Variants in ACTR3C observed in about 807,000 individuals in gnomAD.
The protein encoded by ACTR3C is actin related protein 3C, also known as actin-related protein 3C.
ACTR3C carries 18 observed loss-of-function variants against 26.3 expected under a neutral mutation model. The observed-to-expected ratio is 0.68, with a 90% CI of 0.47 to 1.01. The LOEUF (loss-of-function observed/expected upper bound fraction) is 1.01, where lower values mean the gene tolerates loss of function less well. Among genes scored for constraint, ACTR3C ranks in the 50% least tolerant of loss-of-function variants. The pLI, the probability that ACTR3C is intolerant of heterozygous loss-of-function variation, is 0.00. For missense variants in ACTR3C, 184 were observed against 250.7 expected, an observed-to-expected ratio of 0.73 and a Z score of 1.80; for synonymous variants, 55 against 94.5, an observed-to-expected ratio of 0.58 and a Z score of 2.42.
At chr7:149,921,619 G>T in the ACTR3C span, among the ~76,000 whole-genome samples, 169 of 152,252 alleles carry the variant, frequency 1.1e-3, 2 homozygotes, top group South Asian at 0.034. Context: ...GCTCACACTA[G>T]TAATCCCAGC....
the ACTR3C span, among the ~76,000 whole-genome samples, chr7:150,037,462 TC>T: frequency 6.2e-4 from 20 of 32,512 alleles, 4 homozygotes; most frequent in Middle Eastern, 0.024. Context: ...GGGGGGTGCC[TC>T]CCCCCCCTGC....
At chr7:149,950,600 C>T in the ACTR3C span, among the ~76,000 whole-genome samples, 972 of 150,304 alleles carry the variant, frequency 6.5e-3, 5 homozygotes, top group African/African-American at 0.023. Context: ...TAGAGGCAAT[C>T]CCACAGAGAC....
the ACTR3C span, among the ~76,000 whole-genome samples, chr7:150,067,994 A>G: frequency 6.6e-6 from 1 of 152,224 alleles, no homozygotes; most frequent in Non-Finnish European, 1.5e-5. Context: ...GTTTAAATAT[A>G]TAAGATAAAA....
the ACTR3C span, among the ~76,000 whole-genome samples, chr7:150,164,644 A>G: frequency 1.3e-5 from 2 of 152,060 alleles, no homozygotes; most frequent in Non-Finnish European, 2.9e-5. Flanking sequence ...TGAGTAAAGG[A>G]GTGTAATAAC....
At chr7:150,298,030 A>G (rs1469725511) in intron 1 of ACTR3C, among the ~76,000 whole-genome samples, 2 of 151,448 alleles carry the variant, frequency 1.3e-5, no homozygotes, top group African/African-American at 2.4e-5. Context: ...TAAAACTGAT[A>G]AAGTATCAGA....
At chr7:149,961,333 G>A in the ACTR3C span, among the ~76,000 whole-genome samples, 3 of 151,956 alleles carry the variant, frequency 2.0e-5, no homozygotes, top group African/African-American at 7.3e-5. Flanking sequence ...GTGTTTAGAG[G>A]AAGTGCACAG....
the ACTR3C span, among the ~76,000 whole-genome samples, chr7:150,017,709 G>A: frequency 6.7e-6 from 1 of 149,482 alleles, no homozygotes; most frequent in East Asian, 1.9e-4. Context: ...CCACCAGTCT[G>A]TTTTCCACCT....
chr7:150,141,237 T>C, the ACTR3C span, among the ~76,000 whole-genome samples: 1 of 152,246 alleles, frequency 6.6e-6, no homozygotes, highest in Non-Finnish European at 1.5e-5. Flanking sequence ...GCTTTCCACC[T>C]GAAATGTCTG....
intron 6 of ACTR3C, among the ~76,000 whole-genome samples, chr7:150,272,361 A>C (rs1389310085): frequency 7.2e-6 from 1 of 139,674 alleles, no homozygotes; most frequent in East Asian, 2.1e-4. Flanking sequence ...GCTTGCTTGC[A>C]TCAAAGTAAA....
chr7:150,167,933 C>A, the ACTR3C span, among the ~76,000 whole-genome samples: 33 of 150,454 alleles, frequency 2.2e-4, 2 homozygotes, highest in African/African-American at 7.5e-4. Context: ...GTATAGCTGA[C>A]GAGTTCCATA....
chr7:150,080,433 A>C, the ACTR3C span, among the ~76,000 whole-genome samples: 1 of 151,720 alleles, frequency 6.6e-6, no homozygotes, highest in Non-Finnish European at 1.5e-5. Flanking sequence ...TTTAAAACAC[A>C]TGGACACAGA....
chr7:150,026,610 T>C, the ACTR3C span, among the ~76,000 whole-genome samples: 1 of 152,040 alleles, frequency 6.6e-6, no homozygotes. Flanking sequence ...TGTGAAGAAT[T>C]ATCTGTGCTA....
At chr7:150,033,998 T>A in the ACTR3C span, among the ~76,000 whole-genome samples, 1 of 136,540 alleles carries the variant, frequency 7.3e-6, no homozygotes, top group African/African-American at 2.8e-5. Context: ...TCGGGGGGAT[T>A]GCCTGCCCCC....
rs116494489 is a variant in ACTR3C at position 150,267,377 on chromosome 7, A to C, written c.564+17376T>G. On this transcript the variant is annotated intron_variant, in intron 6 of 7. Transcript: ENST00000683684. ...ACACCATTCTGAGAAGTATGATGAA[A>C]TCTCGAGCTGTCCCACTCTGTCCCG... Among the ~76,000 whole-genome samples, 1,307 of 152,286 alleles carry C rather than the reference A, an allele frequency of 8.6e-3. 20 individuals carry two copies. The highest frequency in any genetic ancestry group is 0.03 in the African/African-American group (1,254 of 41,558).
chr7:150,200,045 A>G, the ACTR3C span, among the ~76,000 whole-genome samples: 2 of 152,218 alleles, frequency 1.3e-5, no homozygotes, highest in Admixed American at 1.3e-4. Context: ...ATGAAAATCA[A>G]TGATCTTTCA....
the ACTR3C span, among the ~76,000 whole-genome samples, chr7:150,186,668 C>A: frequency 6.6e-6 from 1 of 152,192 alleles, no homozygotes; most frequent in Non-Finnish European, 1.5e-5. Context: ...AAGGCCAATC[C>A]TCTCGCCAAT....
chr7:150,007,253 T>C, the ACTR3C span, among the ~76,000 whole-genome samples: 4 of 152,216 alleles, frequency 2.6e-5, no homozygotes, highest in African/African-American at 7.2e-5. Flanking sequence ...GAACTGAGGC[T>C]TCCAAGGCTT....
At chr7:150,125,237 A>G in the ACTR3C span, among the ~76,000 whole-genome samples, 539 of 151,276 alleles carry the variant, frequency 3.6e-3, 4 homozygotes, top group African/African-American at 0.012. Context: ...AAAAAAAAAA[A>G]TAGAACTCTC....
chr7:150,023,347 T>TACA, the ACTR3C span, among the ~76,000 whole-genome samples: 1 of 36,226 alleles, frequency 2.8e-5, no homozygotes, highest in Non-Finnish European at 5.5e-5. Flanking sequence ...ACATATATAT[T>TACA]TTAGAGACAG....
Sources: allele counts gnomAD v4.1 joint callset (sites outside exome capture counted in the v4.1 genomes callset), GRCh38; gene constraint gnomAD v4.1.1; transcripts MANE v1.5; gene names NCBI Gene and HGNC (gene_info 2026-07-23, HGNC 2026-07-21).